TPMT: variants seen among roughly 807,000 people sequenced by gnomAD.
The protein encoded by TPMT is thiopurine S-methyltransferase.
A neutral mutation model predicts 34.2 loss-of-function variants in TPMT; 18 were observed. That is an observed-to-expected ratio of 0.53 (90% CI 0.36 to 0.78). TPMT has a LOEUF of 0.78. Among genes scored for constraint, TPMT ranks in the 30% least tolerant of loss-of-function variants. The probability of loss-of-function intolerance (pLI) is 0.00; values close to 1 mark genes in which losing one functional copy is unlikely to be tolerated. For synonymous variants in TPMT, 69 were observed against 92.4 expected (o/e 0.75, Z 1.45); for missense variants, 265 against 288.1 (o/e 0.92, Z 0.58).
intron 3 of TPMT, among the ~76,000 whole-genome samples, chr6:18,147,137 T>C (rs554456570): frequency 6.6e-6 from 1 of 152,196 alleles, no homozygotes; most frequent in East Asian, 1.9e-4. Context: ...TGCTCAGTGG[T>C]CAAAGTTCTC....
intron 1 of TPMT, among the ~76,000 whole-genome samples, chr6:18,151,185 T>TC (rs1491175836): frequency 3.3e-4 from 9 of 27,228 alleles, no homozygotes; most frequent in African/African-American, 5.5e-4. Flanking sequence ...TTCTTCTCTC[T>TC]TTTTTTTTTT....
intron 1 of TPMT, among the ~76,000 whole-genome samples, chr6:18,151,573 G>GATTTATTTATTTATTTATTT (rs70974705): frequency 2.1e-5 from 3 of 143,374 alleles, no homozygotes; most frequent in South Asian, 2.3e-4. Context: ...TGGAAACCTA[G>GATTTATTTATTTATTTATTT]ATTTATTTAT....
intron 4 of TPMT, among the ~76,000 whole-genome samples, chr6:18,141,301 A>G (rs1481535407): frequency 6.6e-6 from 1 of 152,028 alleles, no homozygotes; most frequent in Non-Finnish European, 1.5e-5. Flanking sequence ...GATGTGAAAT[A>G]AAAAATACCA....
At position 18,143,227 on chromosome 6, in the gene TPMT, A is replaced by G. The variant is rs1157828352; in HGVS notation, c.366+369T>C. Among the ~76,000 whole-genome samples the G allele has an allele frequency of 6.6e-6, 1 of 151,876 alleles. No homozygotes were observed. Among genetic ancestry groups the G allele is most frequent in the African/African-American group, 2.4e-5 (1 of 41,338 alleles). The stretch of plus-strand genomic sequence containing the variant: ...TGTCCCTGTTTCTCTTCTCTCCTAA[A>G]CTAAGAGATTCTTTAGGGGTGGGAG... On this transcript the variant is annotated intron_variant, in intron 4 of 8. Coordinates refer to ENST00000309983, the MANE Select transcript of TPMT (RefSeq NM_000367.5). This position sits in a 1 kb window ranked among gnomAD's most constrained non-coding sequence, Gnocchi z 6.1.
intron 3 of TPMT, among the ~76,000 whole-genome samples, chr6:18,144,117 A>C (rs1470560929): frequency 1.3e-5 from 2 of 152,178 alleles, no homozygotes; most frequent in Non-Finnish European, 2.9e-5. Flanking sequence ...GAAAATGTCT[A>C]TATCTGTCGC....
chr6:18,147,922 A>G lies in TPMT; in HGVS notation c.141-7T>C. The G allele has an allele frequency of 6.2e-7, 1 of 1,607,628 alleles. No homozygotes were observed. Among genetic ancestry groups the G allele is most frequent in the Non-Finnish European group, 8.5e-7 (1 of 1,174,810 alleles). Reference sequence around the variant, plus strand: ...TAAATGCTTCTTTAATAGCCTGAAGAGGAAAAAAAAAAAGGTTTTAGGACA... The same window carrying G: ...TAAATGCTTCTTTAATAGCCTGAAGGGGAAAAAAAAAAAGGTTTTAGGACA... On this transcript the variant is annotated splice_polypyrimidine_tract_variant and splice_region_variant and intron_variant, in intron 2 of 8. Coordinates refer to ENST00000309983, the MANE Select transcript of TPMT (RefSeq NM_000367.5).
At chr6:18,151,810 A>G (rs1172777351) in intron 1 of TPMT, among the ~76,000 whole-genome samples, 1 of 152,010 alleles carries the variant, frequency 6.6e-6, no homozygotes, top group Non-Finnish European at 1.5e-5. Context: ...GGATCTCCCA[A>G]TTCCTGTCTT....
In TPMT at chr6:18,147,811, A is replaced by G. The variant is rs765939766; in HGVS notation, c.233+12T>C. 6.2e-7 allele frequency: 1 copy of G among 1,610,338 alleles called. No homozygotes were observed. The highest frequency in any genetic ancestry group is 8.5e-7 in the Non-Finnish European group (1 of 1,177,044). ...AGGCAAGATAATTCTGTTAATGTTTATCTGCTCATACCATTTCATCTCAAC... is the reference window on the plus strand; with the variant it reads ...AGGCAAGATAATTCTGTTAATGTTTGTCTGCTCATACCATTTCATCTCAAC... On this transcript the variant is annotated intron_variant, in intron 3 of 8. Transcript: ENST00000309983.
At position 18,136,962 on chromosome 6, in the gene TPMT, G is replaced by T. The variant is rs1784053015; in HGVS notation, c.494+2001C>A. ...GCATGCAAGGAGGATGGGAGTTCTG[G>T]AAAAGAGATAAAGGAGGAGCAGTGA... On this transcript the variant is annotated intron_variant, in intron 6 of 8. Coordinates refer to ENST00000309983, the MANE Select transcript of TPMT (RefSeq NM_000367.5). This position sits in a 1 kb window ranked among gnomAD's most constrained non-coding sequence, Gnocchi z 4.7. 6.6e-6 allele frequency among the ~76,000 whole-genome samples: 1 copy of T among 152,170 alleles called. No homozygotes were observed. Among genetic ancestry groups the T allele is most frequent in the African/African-American group, 2.4e-5 (1 of 41,438 alleles).
rs754510863 is a variant in TPMT, at chr6:18,135,721, A to G, written c.495-1832T>C. On this transcript the variant is annotated intron_variant, in intron 6 of 8. Coordinates refer to ENST00000309983, the MANE Select transcript of TPMT (RefSeq NM_000367.5). This position sits in a 1 kb window ranked among gnomAD's most constrained non-coding sequence, Gnocchi z 5.0. ...ACCCCGTCTCTAGTAAAAATACAAA[A>G]TTAGCTGGGTGTGGTGGCGCTACTG... 3.4e-4 allele frequency among the ~76,000 whole-genome samples: 52 copies of G among 151,958 alleles called. No homozygotes were observed. Among genetic ancestry groups the G allele is most frequent in the Non-Finnish European group, 6.3e-4 (43 of 67,978 alleles).
rs1175180681 is a variant in TPMT, at chr6:18,153,800, T to C, written c.-45+1233A>G. Reference sequence around the variant, plus strand: ...TAAATTCAAGGCTTCATAAAGCAGTTCTCTACTTAAAAGAGAAGCATAATC... The same window carrying C: ...TAAATTCAAGGCTTCATAAAGCAGTCCTCTACTTAAAAGAGAAGCATAATC... On this transcript the variant is annotated intron_variant, in intron 1 of 8. Coordinates refer to ENST00000309983, the MANE Select transcript of TPMT (RefSeq NM_000367.5). The surrounding 1 kb of genome is among the most constrained non-coding windows in gnomAD (Gnocchi z 4.2). 2.0e-5 allele frequency among the ~76,000 whole-genome samples: 3 copies of C among 152,238 alleles called. No individual in the cohort carries two copies. The highest frequency in any genetic ancestry group is 2.9e-5 in the Non-Finnish European group (2 of 68,050).
At chr6:18,133,681 T>G (rs1783987582) in intron 7 of TPMT, 123 bp downstream of exon 7, 6 of 723,644 alleles carry the variant, frequency 8.3e-6, no homozygotes, top group Non-Finnish European at 1.4e-5. Flanking sequence ...TATCTCCATG[T>G]ATATATGCAG....
chr6:18,132,206 T>G lies in TPMT; in HGVS notation c.581-29A>C. On this transcript the variant is annotated intron_variant, in intron 7 of 8. Transcript: ENST00000309983. This position sits in a 1 kb window ranked among gnomAD's most constrained non-coding sequence, Gnocchi z 4.8. ...GGTAAAAGAGAAATAAATTCTGAGT[T>G]TATTTCCAATGACGTAGGTGTACTT... The G allele has an allele frequency of 6.2e-7, 1 of 1,608,024 alleles. No homozygotes were observed. The highest frequency in any genetic ancestry group is 1.1e-5 in the South Asian group (1 of 90,938).
chr6:18,135,614 G>A lies in TPMT; in HGVS notation c.495-1725C>T, dbSNP rs1784029430. Among the ~76,000 whole-genome samples, 1 of 152,200 alleles carries A rather than the reference G, an allele frequency of 6.6e-6. No individual in the cohort carries two copies. Among genetic ancestry groups the A allele is most frequent in the Non-Finnish European group, 1.5e-5 (1 of 68,046 alleles). ...AGGCTGGGCACGGTGACTTACATCT[G>A]TAATCCCAGCACTTTGGGAGGCCGA... On this transcript the variant is annotated intron_variant, in intron 6 of 8. Coordinates refer to ENST00000309983, the MANE Select transcript of TPMT (RefSeq NM_000367.5). The surrounding 1 kb of genome is among the most constrained non-coding windows in gnomAD (Gnocchi z 5.0).
chr6:18,153,032 C>T lies in TPMT; in HGVS notation c.-45+2001G>A, dbSNP rs548225451. Among the ~76,000 whole-genome samples, 5 of 152,152 alleles carry T rather than the reference C, an allele frequency of 3.3e-5. No homozygotes were observed. The highest frequency in any genetic ancestry group is 5.9e-5 in the Non-Finnish European group (4 of 68,040). ...CACCGCCATTTTTTGTGCATGGTAC[C>T]CATGAAGCTCAATTACTCATGGGTA... is the stretch of plus-strand genomic sequence containing the variant. On this transcript the variant is annotated intron_variant, in intron 1 of 8. Transcript: ENST00000309983. This position sits in a 1 kb window ranked among gnomAD's most constrained non-coding sequence, Gnocchi z 4.2.
chr6:18,152,674 TC>T (rs1784376163), intron 1 of TPMT, among the ~76,000 whole-genome samples: 1 of 151,936 alleles, frequency 6.6e-6, no homozygotes, highest in African/African-American at 2.4e-5. Context: ...CTACACACTT[TC>T]TTGGCTAACG....
At position 18,128,369 on chromosome 6, in the gene TPMT, C is replaced by T. The variant is rs1783864746; in HGVS notation, c.*2299G>A. On this transcript the variant is annotated 3_prime_UTR_variant, in exon 9 of 9. Transcript: ENST00000309983. This position sits in a 1 kb window ranked among gnomAD's most constrained non-coding sequence, Gnocchi z 4.6. ...CTAAAATAATTTACATGTGGTATAT[C>T]TTCCATCTTGAGATTTTAGGAAGTC... 1 of 152,216 alleles carries T rather than the reference C, an allele frequency of 6.6e-6. No homozygotes were observed. The highest frequency in any genetic ancestry group is 2.4e-5 in the African/African-American group (1 of 41,452). The allele number at this position is 152,216 out of a possible 1,614,324, so 9.4% of individuals were successfully genotyped here.
In TPMT at chr6:18,154,930, G is replaced by T. The variant is rs191702789; in HGVS notation, c.-45+103C>A. ...ACTTCACAGGGCTGATTGCTAGGCT[G>T]TCTACGCTTGTAAGAATTCCTGGGA... On this transcript the variant is annotated intron_variant, in intron 1 of 8. Transcript: ENST00000309983. This position sits in a 1 kb window ranked among gnomAD's most constrained non-coding sequence, Gnocchi z 4.2. 1 of 152,418 alleles carries T rather than the reference G, an allele frequency of 6.6e-6. No homozygotes were observed. Among genetic ancestry groups the T allele is most frequent in the African/African-American group, 2.4e-5 (1 of 41,556 alleles). 9.4% of individuals were successfully genotyped at this position (152,418 alleles called of 1,614,324 possible).
At position 18,153,132 on chromosome 6, in the gene TPMT, C is replaced by T. The variant is rs1053991595; in HGVS notation, c.-45+1901G>A. On this transcript the variant is annotated intron_variant, in intron 1 of 8. Coordinates refer to ENST00000309983, the MANE Select transcript of TPMT (RefSeq NM_000367.5). This position sits in a 1 kb window ranked among gnomAD's most constrained non-coding sequence, Gnocchi z 4.2. ...ATGTATATTTGGCCACCTTCCTCAG[C>T]ATAAATTCCTGTTCCCTTTGCCCCT... 1.3e-5 allele frequency among the ~76,000 whole-genome samples: 2 copies of T among 152,218 alleles called. No individual in the cohort carries two copies. The highest frequency in any genetic ancestry group is 2.9e-5 in the Non-Finnish European group (2 of 68,036).
Sources: gnomAD v4.1 joint callset for allele counts (sites outside exome capture counted in the v4.1 genomes callset) on GRCh38, gnomAD v4.1.1 for gene constraint, Gnocchi (gnomAD v3.1) non-coding constraint, MANE v1.5 for transcripts, NCBI Gene and HGNC (gene_info 2026-07-23, HGNC 2026-07-21) for gene names.